The following TECPR1 variants were observed in gnomAD, a reference collection of about 807,000 sequenced individuals.
TECPR1 encodes tectonin beta-propeller repeat containing 1.
A neutral mutation model predicts 162.4 loss-of-function variants in TECPR1; 122 were observed. The ratio of observed to expected loss-of-function variants is 0.75; its 90% CI spans 0.65 to 0.87. The LOEUF (loss-of-function observed/expected upper bound fraction) is 0.87, where lower values mean the gene tolerates loss of function less well. Ranked by LOEUF, TECPR1 falls within the 40% of genes least tolerant of loss-of-function variation. TECPR1 has a pLI of 0.00. For synonymous variants in TECPR1, 642 were observed against 670.6 expected (o/e 0.96, Z 0.66); for missense variants, 1,432 against 1,618.2 (o/e 0.88, Z 1.97).
At position 98,217,137 on chromosome 7, in the gene TECPR1, T is replaced by G; in HGVS notation, c.*253A>C. 2 of 435,856 alleles carry G rather than the reference T, an allele frequency of 4.6e-6. No individual in the cohort carries two copies. The highest frequency in any genetic ancestry group is 4.5e-5 in the South Asian group (1 of 22,346). 27.0% of individuals were successfully genotyped at this position (435,856 alleles called of 1,614,324 possible). ...AAGGGTGGGAGGGGCCTCTGGGAGG[T>G]GCAGCCCCACCCCATGCCCCACACC... On this transcript the variant is annotated 3_prime_UTR_variant, in exon 26 of 26. Transcript: ENST00000447648.
rs536662363 is a variant in TECPR1, at chr7:98,221,698, G to A, written c.3120C>T (p.Ser1040=). The part of the protein sequence containing the change: ...SPPRQRLKQV[S]AGQTSVYALD... ...GGGCATACACCGACGTCTGCCCCGCGGACACCTGCTTCAGCCTCTGTCTCG... is the reference window on the plus strand; with the variant it reads ...GGGCATACACCGACGTCTGCCCCGCAGACACCTGCTTCAGCCTCTGTCTCG... The change falls in exon 23 of 26, where the codon TCC becomes TCT. Residue 1040 remains serine (S), a synonymous_variant. Coordinates refer to ENST00000447648, the MANE Select transcript of TECPR1 (RefSeq NM_015395.3). The A allele has an allele frequency of 2.0e-5, 32 of 1,613,436 alleles. No individual in the cohort carries two copies. The East Asian group carries it at 2.9e-4, about 15-fold the overall frequency.
chr7:98,246,268 CT>C, intron 2 of TECPR1, 103 bp from the exon 3 acceptor site: 1 of 687,690 alleles, frequency 1.5e-6, no homozygotes, highest in Non-Finnish European at 2.3e-6. Flanking sequence ...TATTCTTTTT[CT>C]CTTTTTTTTT....
At chr7:98,235,908 T>G (rs951333887) in intron 10 of TECPR1, among the ~76,000 whole-genome samples, 1 of 150,460 alleles carries the variant, frequency 6.6e-6, no homozygotes, top group Non-Finnish European at 1.5e-5. Flanking sequence ...CTGCCCTGGC[T>G]GTCCTCCCTG....
chr7:98,216,314 G>A lies in TECPR1; in HGVS notation c.*1076C>T, dbSNP rs1342912816. 1 of 152,292 alleles carries A rather than the reference G, an allele frequency of 6.6e-6. No homozygotes were observed. The highest frequency in any genetic ancestry group is 1.5e-5 in the Non-Finnish European group (1 of 68,130). The allele number at this position is 152,292 out of a possible 1,614,324, so 9.4% of individuals were successfully genotyped here. A position where few individuals can be genotyped will look rare whatever the true frequency, so the allele number is the denominator to read the frequency against. ...AGACACAGTAGTACTGCTCCCCACA[G>A]AAGCCCGCAGTCTGCACCCTCCTAC... On this transcript the variant is annotated 3_prime_UTR_variant, in exon 26 of 26. Transcript: ENST00000447648.
In TECPR1 at chr7:98,221,825, C is replaced by A. The variant is rs937352910; in HGVS notation, c.3065-72G>T. The stretch of plus-strand genomic sequence containing the variant: ...ATGGGCCAGGTGGGGCTGTGGGCCT[C>A]GGTCCCCAGCTGCCTCTCGGATGTG... On this transcript the variant is annotated intron_variant, in intron 22 of 25. Coordinates refer to ENST00000447648, the MANE Select transcript of TECPR1 (RefSeq NM_015395.3). 5 of 1,222,858 alleles carry A rather than the reference C, an allele frequency of 4.1e-6. No individual in the cohort carries two copies. The South Asian group carries it at 5.1e-5, about 12-fold the overall frequency. 75.8% of individuals were successfully genotyped at this position (1,222,858 alleles called of 1,614,324 possible).
In TECPR1 at chr7:98,225,081, G is replaced by A. The variant is rs2291745; in HGVS notation, c.2535C>T (p.Tyr845=). The A allele has an allele frequency of 0.24, 382,631 of 1,568,100 alleles. 50,446 individuals carry two copies. Among genetic ancestry groups the A allele is most frequent in the East Asian group, 0.46 (19,264 of 42,132 alleles). The change falls in exon 18 of 26, where the codon TAC becomes TAT. Residue 845 remains tyrosine (Y), a synonymous_variant. Transcript: ENST00000447648. ...GCAGCCCCGAGGCATCGCTCCACAT[G>A]TACCGGTCCGTGGGCAGACCCCTGC... The part of the protein sequence containing the change: ...YTSRGLPTDR[Y]MWSDASGLQE...
chr7:98,237,777 G>GT (rs1457923625), intron 9 of TECPR1, among the ~76,000 whole-genome samples: 3 of 147,778 alleles, frequency 2.0e-5, no homozygotes, highest in Non-Finnish European at 4.5e-5. Context: ...AATGTTTTTG[G>GT]TTTTTTTTAG....
intron 5 of TECPR1, 50 bp from the exon 6 acceptor site, chr7:98,243,642 T>G: frequency 1.3e-6 from 2 of 1,588,314 alleles, no homozygotes; most frequent in Non-Finnish European, 1.7e-6. Context: ...AGTGGGCACC[T>G]GGGCATGCAC....
intron 17 of TECPR1, among the ~76,000 whole-genome samples, chr7:98,226,232 C>T (rs915983884): frequency 5.3e-5 from 8 of 152,266 alleles, no homozygotes; most frequent in South Asian, 2.1e-4. Flanking sequence ...ACAGCTGAGG[C>T]GGAGGTTTTC....
intron 10 of TECPR1, 28 bp from the exon 11 acceptor site, chr7:98,233,939 A>G: frequency 1.4e-6 from 2 of 1,481,012 alleles, no homozygotes; most frequent in Non-Finnish European, 1.8e-6. Flanking sequence ...CAGACCCATC[A>G]CTCCCTTGCA....
chr7:98,226,260 G>T (rs1262922719), intron 17 of TECPR1, among the ~76,000 whole-genome samples: 1 of 152,178 alleles, frequency 6.6e-6, no homozygotes, highest in African/African-American at 2.4e-5. Flanking sequence ...AAATATTTTG[G>T]CGATGTGTGC....
rs1798452181 is a variant in TECPR1 at position 98,231,883 on chromosome 7, G to C, written c.1895C>G (p.Ala632Gly). ...GTCGTGCCCCGTGAACTGCTCCAGG[G>C]CCAAGCGCACGTCCACCCACTTGTG... ...KPHKWVDVRL[A>G]LEQFTGHDGV... The change falls in exon 13 of 26, where the codon GCC becomes GGC. Residue 632 changes from alanine (A) to glycine (G), a missense_variant. Coordinates refer to ENST00000447648, the MANE Select transcript of TECPR1 (RefSeq NM_015395.3). 1 of 1,612,070 alleles carries C rather than the reference G, an allele frequency of 6.2e-7. No homozygotes were observed. The highest frequency in any genetic ancestry group is 1.1e-5 in the South Asian group (1 of 91,080).
At chr7:98,237,742 TACAGGCGTGAGCC>T (rs1798637946) in intron 9 of TECPR1, among the ~76,000 whole-genome samples, 1 of 151,692 alleles carries the variant, frequency 6.6e-6, no homozygotes, top group Admixed American at 6.6e-5. Context: ...GTGCTGGGAT[TACAGGCGTGAGCC>T]ACTGTGCCCG....
intron 23 of TECPR1, among the ~76,000 whole-genome samples, chr7:98,219,699 C>T (rs1483450399): frequency 6.6e-6 from 1 of 151,606 alleles, no homozygotes; most frequent in African/African-American, 2.4e-5. Context: ...GTTGAGAGTT[C>T]GAGACCAGCC....
chr7:98,222,533 A>G lies in TECPR1; in HGVS notation c.2929-12T>C. Reference sequence around the variant, plus strand: ...AGCCAGGAGGAGCCCTGGGGATAGCAAGGAGGGGCGCTGAGGTCACCAGGG... The same window carrying G: ...AGCCAGGAGGAGCCCTGGGGATAGCGAGGAGGGGCGCTGAGGTCACCAGGG... On this transcript the variant is annotated splice_polypyrimidine_tract_variant and intron_variant, in intron 21 of 25. Coordinates refer to ENST00000447648, the MANE Select transcript of TECPR1 (RefSeq NM_015395.3). The G allele has an allele frequency of 6.4e-7, 1 of 1,566,228 alleles. No individual in the cohort carries two copies. Among genetic ancestry groups the G allele is most frequent in the Non-Finnish European group, 8.6e-7 (1 of 1,157,054 alleles).
In TECPR1 at chr7:98,238,556, C is replaced by A; in HGVS notation, c.988G>T (p.Glu330Ter). 6.3e-7 allele frequency: 1 copy of A among 1,575,346 alleles called. No individual in the cohort carries two copies. Among genetic ancestry groups the A allele is most frequent in the Non-Finnish European group, 8.6e-7 (1 of 1,160,634 alleles). ...SHNPCGTSWI[E>*]MVGEMTMVNV... ...ACCATCGTCATCTCACCAACCATCT[C>A]AATCCAACTGGTGCCGCAGGGATTG... Residue 330 changes from glutamate to a stop codon, truncating the protein, a stop_gained, in exon 9 of 26, where the codon GAG (glutamate) becomes TAG (stop). Coordinates refer to ENST00000447648, the MANE Select transcript of TECPR1 (RefSeq NM_015395.3). LOFTEE classifies it high-confidence loss of function.
At chr7:98,229,355 G>A (rs1051457836) in intron 15 of TECPR1, among the ~76,000 whole-genome samples, 189 bp from the exon 16 acceptor site, 14 of 152,162 alleles carry the variant, frequency 9.2e-5, no homozygotes, top group African/African-American at 3.1e-4. Context: ...CTCAGCCCAC[G>A]AGAGGTGCAG....
rs374440423 is a variant in TECPR1, at chr7:98,231,965, C to G, written c.1819-6G>C. 147 of 1,596,370 alleles carry G rather than the reference C, an allele frequency of 9.2e-5. No individual in the cohort carries two copies. The highest frequency in any genetic ancestry group is 1.2e-4 in the Non-Finnish European group (140 of 1,176,376). ...CCGGTCTTCACCCACACCGACTGCG[C>G]AGGCCGGGGCAGTGGACACCATCAC... On this transcript the variant is annotated splice_polypyrimidine_tract_variant and splice_region_variant and intron_variant, in intron 12 of 25. Transcript: ENST00000447648.
intron 2 of TECPR1, among the ~76,000 whole-genome samples, chr7:98,249,314 G>A (rs1375626576): frequency 2.6e-5 from 4 of 152,164 alleles, no homozygotes; most frequent in Non-Finnish European, 5.9e-5. Flanking sequence ...GGAAGTGGGG[G>A]AAAAGAATAG....
Sources: allele counts gnomAD v4.1 joint callset (sites outside exome capture counted in the v4.1 genomes callset), GRCh38; gene constraint gnomAD v4.1.1; transcripts MANE v1.5; gene names NCBI Gene and HGNC (gene_info 2026-07-23, HGNC 2026-07-21).